Variants in KCNQ1 observed in about 807,000 individuals in gnomAD.
The protein encoded by KCNQ1 is potassium voltage-gated channel subfamily KQT member 1.
In KCNQ1, 49 loss-of-function variants were observed where a neutral mutation model predicts 72.4. The ratio of observed to expected loss-of-function variants is 0.68; its 90% CI spans 0.54 to 0.86. KCNQ1 has a LOEUF of 0.86. KCNQ1 is among the 40% of genes least tolerant of loss of function. The pLI is 0.00. For missense variants in KCNQ1, 790 were observed against 945.1 expected (o/e 0.84, Z 2.15); for synonymous variants, 450 against 412.6 (o/e 1.09, Z -1.10).
At chr11:2,737,579 T>G (rs1845978631) in intron 11 of KCNQ1, among the ~76,000 whole-genome samples, 1 of 152,232 alleles carries the variant, frequency 6.6e-6, no homozygotes, top group Non-Finnish European at 1.5e-5. Flanking sequence ...GTCTCCTAAT[T>G]ATATTTATGA....
At position 2,579,717 on chromosome 11, in the gene KCNQ1, C is replaced by A. The variant is rs867145648; in HGVS notation, c.922-3718C>A. On this transcript the variant is annotated intron_variant, in intron 6 of 15. Transcript: ENST00000155840. This position sits in a 1 kb window ranked among gnomAD's most constrained non-coding sequence, Gnocchi z 6.0. ...CACGGTGGGCAGACACCCAGGGGCA[C>A]TTCTGGGGCTGGCCTTTCTCTCCCT... is the stretch of plus-strand genomic sequence containing the variant. Among the ~76,000 whole-genome samples, 32 of 152,162 alleles carry A rather than the reference C, an allele frequency of 2.1e-4. No homozygotes were observed. Among genetic ancestry groups the A allele is most frequent in the African/African-American group, 7.7e-4 (32 of 41,532 alleles).
Position 2,816,493 on chromosome 11 carries a change from C to T in KCNQ1, c.1795-31274C>T, listed in dbSNP as rs233447. Among the ~76,000 whole-genome samples, 35,098 of 151,992 alleles carry T rather than the reference C, an allele frequency of 0.23. 4,133 individuals carry two copies. Among genetic ancestry groups the T allele is most frequent in the Non-Finnish European group, 0.27 (18,139 of 67,926 alleles). On this transcript the variant is annotated intron_variant, in intron 15 of 15. Coordinates refer to ENST00000155840, the MANE Select transcript of KCNQ1 (RefSeq NM_000218.3). The surrounding 1 kb of genome is among the most constrained non-coding windows in gnomAD (Gnocchi z 6.8). ...GACTGAGAATGGCTTCTGGGTTGTGCGTCATCGCTGTCCAGGAGTGGTGAA... is the reference window on the plus strand; with the variant it reads ...GACTGAGAATGGCTTCTGGGTTGTGTGTCATCGCTGTCCAGGAGTGGTGAA...
In KCNQ1 at chr11:2,683,960, CT is replaced by C. The variant is rs560196106; in HGVS notation, c.1514+21893del. 20,757 of 256,420 alleles carry C rather than the reference CT, an allele frequency of 0.081. 35 individuals are homozygous for C. Among genetic ancestry groups the C allele is most frequent in the East Asian group, 0.14 (1,777 of 13,046 alleles). 15.9% of individuals were successfully genotyped at this position (256,420 alleles called of 1,614,324 possible). A position where few individuals can be genotyped will look rare whatever the true frequency, so the allele number is the denominator to read the frequency against. On this transcript the variant is annotated intron_variant, in intron 11 of 15. Coordinates refer to ENST00000155840, the MANE Select transcript of KCNQ1 (RefSeq NM_000218.3). The surrounding 1 kb of genome is among the most constrained non-coding windows in gnomAD (Gnocchi z 4.7). The stretch of plus-strand genomic sequence containing the variant: ...AGACAAAACCAGCTGACTGCTTTTA[CT>C]TTTTTTTTTTTTTCATTTAGAAGAA...
intron 11 of KCNQ1, among the ~76,000 whole-genome samples, chr11:2,737,059 C>A (rs1845970729): frequency 6.6e-6 from 1 of 152,198 alleles, no homozygotes; most frequent in South Asian, 2.1e-4. Flanking sequence ...CCAGGGGTAC[C>A]ACTTTCCATT....
intron 2 of KCNQ1, among the ~76,000 whole-genome samples, chr11:2,558,421 C>G (rs1230775794): frequency 6.7e-6 from 1 of 149,696 alleles, no homozygotes; most frequent in Non-Finnish European, 1.5e-5. Context: ...TGGGGGTCTC[C>G]AGGCGGGGGG....
chr11:2,629,256 C>T, intron 10 of KCNQ1: 1 of 398,304 alleles, frequency 2.5e-6, no homozygotes, highest in Non-Finnish European at 4.4e-6. Context: ...TTTGTATCAT[C>T]TTAGAATTTG....
chr11:2,681,095 A>C, intron 11 of KCNQ1: 1 of 398,594 alleles, frequency 2.5e-6, no homozygotes, highest in Non-Finnish European at 4.4e-6. Context: ...TGATGTGGTT[A>C]TTTTTTAAAT....
Position 2,661,990 on chromosome 11 carries a change from A to G in KCNQ1, c.1423A>G (p.Ser475Gly). 1.2e-6 allele frequency: 2 copies of G among 1,614,210 alleles called. No individual in the cohort carries two copies. Among genetic ancestry groups the G allele is most frequent in the Non-Finnish European group, 1.7e-6 (2 of 1,180,048 alleles). The change falls in exon 11 of 16, where the codon AGC becomes GGC. Residue 475 changes from serine (S) to glycine (G), a missense_variant. Physicochemically the swap from Ser to Gly is moderately conservative, Grantham distance 56. Transcript: ENST00000155840. The surrounding 1 kb of genome is among the most constrained non-coding windows in gnomAD (Gnocchi z 5.9). ...GAAGAGCCCAACACTGCTGGAAGTG[A>G]GCATGCCCCATTTCATGAGAACCAA... Reference protein sequence around the residue: ...VRKSPTLLEVSMPHFMRTNSF... With the variant: ...VRKSPTLLEVGMPHFMRTNSF...
intron 1 of KCNQ1, among the ~76,000 whole-genome samples, chr11:2,504,971 A>C (rs179406): frequency 0.69 from 104,902 of 151,978 alleles, 37,083 homozygotes; most frequent in Non-Finnish European, 0.77. Flanking sequence ...TCTGTTAGTA[A>C]CGCTTTTGTT....
At chr11:2,476,142 A>G (rs1441532678) in intron 1 of KCNQ1, among the ~76,000 whole-genome samples, 2 of 152,264 alleles carry the variant, frequency 1.3e-5, no homozygotes, top group South Asian at 4.1e-4. Context: ...AAACTTTGTA[A>G]CTTAAAAGCA....
intron 11 of KCNQ1, among the ~76,000 whole-genome samples, chr11:2,731,445 G>A (rs1334668410): frequency 1.3e-5 from 2 of 152,218 alleles, no homozygotes; most frequent in African/African-American, 2.4e-5. Flanking sequence ...AGCACTGCAG[G>A]CCGCCCACCA....
chr11:2,648,255 T>A (rs190047426), intron 10 of KCNQ1: 45 of 398,652 alleles, frequency 1.1e-4, no homozygotes, highest in South Asian at 1.3e-4. Context: ...TTTTTTACCT[T>A]TTATCTCTAT....
intron 1 of KCNQ1, among the ~76,000 whole-genome samples, chr11:2,469,288 G>A (rs982763287): frequency 6.6e-6 from 1 of 150,532 alleles, no homozygotes; most frequent in African/African-American, 2.5e-5. Context: ...TTTATTTTGA[G>A]AGAGAATCTC....
At chr11:2,778,702 G>T (rs576860651) in intron 15 of KCNQ1, among the ~76,000 whole-genome samples, 1 of 152,234 alleles carries the variant, frequency 6.6e-6, no homozygotes, top group Middle Eastern at 3.2e-3. Context: ...TCTGTGGTTT[G>T]AAGCGGGCTG....
rs1039315827 is a variant in KCNQ1 at position 2,495,399 on chromosome 11, T to G, written c.387-32529T>G. 6.6e-6 allele frequency among the ~76,000 whole-genome samples: 1 copy of G among 152,182 alleles called. No individual in the cohort carries two copies. The highest frequency in any genetic ancestry group is 2.4e-5 in the African/African-American group (1 of 41,442). On this transcript the variant is annotated intron_variant, in intron 1 of 15. Transcript: ENST00000155840. The surrounding 1 kb of genome is among the most constrained non-coding windows in gnomAD (Gnocchi z 4.6). Reference sequence around the variant, plus strand: ...GCTAGCTTTTGAATTTGTTTGCTCTTGCTTCTCTAGTTCTTTTAATTGTGA... The same window carrying G: ...GCTAGCTTTTGAATTTGTTTGCTCTGGCTTCTCTAGTTCTTTTAATTGTGA...
chr11:2,614,955 G>T (rs1188715687), intron 10 of KCNQ1: 3 of 398,224 alleles, frequency 7.5e-6, no homozygotes, highest in East Asian at 3.6e-5. Context: ...TTTGATAAGG[G>T]TTGCATTGAA....
chr11:2,797,896 A>G (rs1847170990), intron 15 of KCNQ1, among the ~76,000 whole-genome samples: 1 of 152,094 alleles, frequency 6.6e-6, no homozygotes, highest in Admixed American at 6.5e-5. Context: ...TGCCCTGCGT[A>G]CTGTGCCAGC....
chr11:2,697,855 GCT>G (rs1850704989), intron 11 of KCNQ1: 2 of 398,512 alleles, frequency 5.0e-6, no homozygotes, highest in African/African-American at 4.1e-5. Context: ...ATTTGGACAT[GCT>G]CTGATTCGCA....
At chr11:2,640,701 C>T in intron 10 of KCNQ1, 1 of 398,262 alleles carries the variant, frequency 2.5e-6, no homozygotes, top group Non-Finnish European at 4.4e-6. Flanking sequence ...CATTTCAAGT[C>T]CTCTTTTTTA....
Sources: gnomAD v4.1 joint callset for allele counts (sites outside exome capture counted in the v4.1 genomes callset) on GRCh38, gnomAD v4.1.1 for gene constraint, Gnocchi (gnomAD v3.1) non-coding constraint, MANE v1.5 for transcripts, NCBI Gene and HGNC (gene_info 2026-07-23, HGNC 2026-07-21) for gene names.